The following GABPB1 variants were observed in gnomAD, a reference collection of about 807,000 sequenced individuals.
GABPB1 encodes GA binding protein transcription factor subunit beta 1.
In GABPB1, 15 loss-of-function variants were observed where a neutral mutation model predicts 45.9. The observed-to-expected ratio is 0.33, with a 90% CI of 0.22 to 0.50. GABPB1 has a LOEUF of 0.50. GABPB1 is among the 20% of genes least tolerant of loss of function. The pLI is 0.98. For missense variants in GABPB1, 252 were observed against 457.5 expected (o/e 0.55, Z 4.10); for synonymous variants, 143 against 154.4 (o/e 0.93, Z 0.55).
chr15:50,282,362 C>T (rs1358466918), intron 8 of GABPB1: 1 of 438,790 alleles, frequency 2.3e-6, no homozygotes, highest in Non-Finnish European at 4.5e-6. Context: ...AGTCCAAGAC[C>T]AGCCTGGGCA....
intron 1 of GABPB1, among the ~76,000 whole-genome samples, chr15:50,328,233 C>A (rs2047836779): frequency 1.3e-5 from 2 of 150,930 alleles, no homozygotes; most frequent in African/African-American, 4.9e-5. Flanking sequence ...CATCCTATTC[C>A]TTTCTAAAAA....
At chr15:50,291,996 T>C (rs1036092312) in intron 6 of GABPB1, among the ~76,000 whole-genome samples, 2 of 151,566 alleles carry the variant, frequency 1.3e-5, no homozygotes, top group African/African-American at 2.4e-5. Flanking sequence ...AAGATATTCC[T>C]GATAGAAAGA....
chr15:50,343,569 C>T (rs764974354), intron 1 of GABPB1, among the ~76,000 whole-genome samples: 2 of 152,038 alleles, frequency 1.3e-5, no homozygotes, highest in African/African-American at 4.8e-5. Flanking sequence ...GATGGAGTCT[C>T]GCTCTGTCAC....
intron 6 of GABPB1, among the ~76,000 whole-genome samples, chr15:50,295,043 A>C (rs1012680823): frequency 6.6e-6 from 1 of 152,216 alleles, no homozygotes; most frequent in African/African-American, 2.4e-5. Context: ...AGACGTATGA[A>C]AAAATATTTT....
chr15:50,320,028 T>G (rs1376499123), intron 1 of GABPB1, among the ~76,000 whole-genome samples: 1 of 152,114 alleles, frequency 6.6e-6, no homozygotes, highest in Non-Finnish European at 1.5e-5. Flanking sequence ...AATGCTTACT[T>G]CTTTTTAAAC....
At chr15:50,313,015 G>A (rs1194476118) in intron 1 of GABPB1, among the ~76,000 whole-genome samples, 1 of 152,032 alleles carries the variant, frequency 6.6e-6, no homozygotes, top group African/African-American at 2.4e-5. Flanking sequence ...TTTTCTATGG[G>A]TAGATAACTG....
At position 50,276,682 on chromosome 15, in the gene GABPB1, G is replaced by A. The variant is rs1284684093; in HGVS notation, c.*1950C>T. On this transcript the variant is annotated 3_prime_UTR_variant, in exon 9 of 9. Transcript: ENST00000380877. ...CCAACACTGTCTTGAGTCTTTTCAG[G>A]GCCAGCCTGGTCTGAAAGCAAAACT... The A allele has an allele frequency of 6.6e-6, 1 of 152,170 alleles. No homozygotes were observed. The highest frequency in any genetic ancestry group is 2.4e-5 in the African/African-American group (1 of 41,448). 9.4% of individuals were successfully genotyped at this position (152,170 alleles called of 1,614,324 possible). A position where few individuals can be genotyped will look rare whatever the true frequency, so the allele number is the denominator to read the frequency against.
intron 1 of GABPB1, among the ~76,000 whole-genome samples, chr15:50,315,910 C>G (rs1189586877): frequency 2.0e-5 from 3 of 152,124 alleles, no homozygotes; most frequent in Non-Finnish European, 2.9e-5. Context: ...CCCCGCCCAT[C>G]TCTGCTAAAA....
chr15:50,277,646 T>A lies in GABPB1; in HGVS notation c.*986A>T, dbSNP rs891055369. On this transcript the variant is annotated 3_prime_UTR_variant, in exon 9 of 9. Transcript: ENST00000380877. The stretch of plus-strand genomic sequence containing the variant: ...AGCAATTTTTTTCCGTAAGAATCAT[T>A]TCCTGGGGAGAAATAAGTCCATAAA... 2 of 152,744 alleles carry A rather than the reference T, an allele frequency of 1.3e-5. No individual in the cohort carries two copies. Among genetic ancestry groups the A allele is most frequent in the South Asian group, 4.1e-4 (2 of 4,828 alleles). The allele number at this position is 152,744 out of a possible 1,614,324, so 9.5% of individuals were successfully genotyped here.
chr15:50,340,788 C>T (rs1004119795), intron 1 of GABPB1, among the ~76,000 whole-genome samples: 2 of 151,682 alleles, frequency 1.3e-5, no homozygotes, highest in African/African-American at 4.8e-5. Flanking sequence ...ACTGCCTATT[C>T]ATATTCTTTA....
chr15:50,343,508 A>G (rs1283393004), intron 1 of GABPB1, among the ~76,000 whole-genome samples: 2 of 151,902 alleles, frequency 1.3e-5, no homozygotes, highest in African/African-American at 2.4e-5. Flanking sequence ...CAGACCACCT[A>G]AGATAGCTAC....
At chr15:50,307,474 C>A (rs757151416) in intron 2 of GABPB1, among the ~76,000 whole-genome samples, 1 of 151,990 alleles carries the variant, frequency 6.6e-6, no homozygotes, top group Non-Finnish European at 1.5e-5. Context: ...GAGGCCGAGG[C>A]GGGCTGATCA....
chr15:50,354,414 C>G (rs958719069), intron 1 of GABPB1: 1 of 451,854 alleles, frequency 2.2e-6, no homozygotes. Flanking sequence ...CCCGCCGCGA[C>G]CCGAGCGCCT....
At chr15:50,347,782 G>A (rs1396747853) in intron 1 of GABPB1, among the ~76,000 whole-genome samples, 3 of 152,078 alleles carry the variant, frequency 2.0e-5, no homozygotes, top group African/African-American at 4.8e-5. Context: ...TAGGCTGGGC[G>A]CAGTGGCTTA....
Position 50,321,676 on chromosome 15 carries a change from T to C in GABPB1, c.1-11878A>G, listed in dbSNP as rs1029821009. The stretch of plus-strand genomic sequence containing the variant: ...GAGATTCCGCCATTGCACTCCAGCC[T>C]GGGCAATAGAGCAAGACTCCGTCTC... On this transcript the variant is annotated intron_variant, in intron 1 of 8. Transcript: ENST00000380877. Among the ~76,000 whole-genome samples, 26 of 143,110 alleles carry C rather than the reference T, an allele frequency of 1.8e-4. 1 individual carries two copies. Among genetic ancestry groups the C allele is most frequent in the Admixed American group, 6.0e-4 (8 of 13,292 alleles). 93.9% of individuals were successfully genotyped at this position (143,110 alleles called of 152,430 possible).
intron 1 of GABPB1, among the ~76,000 whole-genome samples, chr15:50,321,410 T>A (rs1030750945): frequency 6.6e-6 from 1 of 152,158 alleles, no homozygotes; most frequent in Non-Finnish European, 1.5e-5. Flanking sequence ...ACAAAGCTGA[T>A]GAAAAACTTC....
intron 8 of GABPB1, among the ~76,000 whole-genome samples, chr15:50,284,404 A>C (rs892098302): frequency 6.6e-6 from 1 of 152,192 alleles, no homozygotes. Context: ...ACTAAAATCA[A>C]AACAAAGCAA....
In GABPB1 at chr15:50,276,420, G is replaced by A. The variant is rs943270938; in HGVS notation, c.*2212C>T. The A allele has an allele frequency of 6.6e-6, 1 of 152,206 alleles. No homozygotes were observed. Among genetic ancestry groups the A allele is most frequent in the Non-Finnish European group, 1.5e-5 (1 of 68,026 alleles). The allele number at this position is 152,206 out of a possible 1,614,324, so 9.4% of individuals were successfully genotyped here. On this transcript the variant is annotated 3_prime_UTR_variant, in exon 9 of 9. Coordinates refer to ENST00000380877, the MANE Select transcript of GABPB1 (RefSeq NM_016654.5). ...ACAGAACAGTAAATCAGATGTAAAT[G>A]ATTGAGAAATTATGTTATGTAACAA...
intron 6 of GABPB1, among the ~76,000 whole-genome samples, chr15:50,298,317 C>T (rs554032939): frequency 4.1e-4 from 63 of 152,126 alleles, no homozygotes; most frequent in Non-Finnish European, 8.1e-4. Flanking sequence ...AACTTCTGAA[C>T]TCAAGTGATC....
Sources: gnomAD v4.1 joint callset for allele counts (sites outside exome capture counted in the v4.1 genomes callset) on GRCh38, gnomAD v4.1.1 for gene constraint, MANE v1.5 for transcripts, NCBI Gene and HGNC (gene_info 2026-07-23, HGNC 2026-07-21) for gene names.